Variants in TNRC18 observed in about 807,000 individuals in gnomAD.
TNRC18 encodes the protein trinucleotide repeat containing 18.
Under a neutral mutation model 226.7 loss-of-function variants are expected in TNRC18, and 69 were observed. The ratio of observed to expected loss-of-function variants is 0.30; its 90% CI spans 0.25 to 0.37. The LOEUF (loss-of-function observed/expected upper bound fraction) is 0.37, where lower values mean the gene tolerates loss of function less well. Ranked by LOEUF, TNRC18 falls within the 10% of genes least tolerant of loss-of-function variation. The pLI is 1.00. For missense variants in TNRC18, 4,754 were observed against 4,256.6 expected, an observed-to-expected ratio of 1.12 and a Z score of -3.25; for synonymous variants, 2,449 against 1,927.6, an observed-to-expected ratio of 1.27 and a Z score of -7.09.
Position 5,324,485 on chromosome 7 carries a change from T to C in TNRC18, c.6301-130A>G. ...GAATCTGTCATGTGCATGGCAGGGA[T>C]CCCAGTTAGGGGCACCCCAGAGGCC... On this transcript the variant is annotated intron_variant, in intron 20 of 29. Coordinates refer to ENST00000430969, the MANE Select transcript of TNRC18 (RefSeq NM_001080495.3). The surrounding 1 kb of genome is among the most constrained non-coding windows in gnomAD (Gnocchi z 4.8). 3 of 1,324,496 alleles carry C rather than the reference T, an allele frequency of 2.3e-6. No individual in the cohort carries two copies. In the South Asian group the frequency reaches 4.1e-5, roughly 18 times the overall value. The allele number at this position is 1,324,496 out of a possible 1,614,324, so 82.0% of individuals were successfully genotyped here.
intron 17 of TNRC18, 115 bp from the exon 18 acceptor site, chr7:5,345,925 G>T (rs892183107): frequency 5.0e-6 from 7 of 1,390,500 alleles, no homozygotes; most frequent in Non-Finnish European, 5.7e-6. Flanking sequence ...TCAGTCCTGA[G>T]CAGGGGGCCG....
chr7:5,330,757 T>G (rs1789443028), intron 19 of TNRC18, among the ~76,000 whole-genome samples: 1 of 152,142 alleles, frequency 6.6e-6, no homozygotes, highest in Admixed American at 6.6e-5. Flanking sequence ...CACTGCAACC[T>G]CCGCCTTCCG....
At chr7:5,327,489 G>A (rs558890485) in intron 19 of TNRC18, among the ~76,000 whole-genome samples, 4 of 151,822 alleles carry the variant, frequency 2.6e-5, no homozygotes, top group African/African-American at 7.2e-5. Context: ...CATCTTAGGC[G>A]CTGAAAGAAT....
intron 2 of TNRC18, among the ~76,000 whole-genome samples, chr7:5,406,470 AT>A (rs893535397): frequency 1.2e-4 from 18 of 150,698 alleles, no homozygotes; most frequent in East Asian, 7.8e-4. Flanking sequence ...TCAAAAAAAA[AT>A]TTTTTTTTAA....
rs542776129 is a variant in TNRC18 at position 5,358,721 on chromosome 7, G to A, written c.4833+677C>T. Among the ~76,000 whole-genome samples, 181 of 152,312 alleles carry A rather than the reference G, an allele frequency of 1.2e-3. 3 individuals are homozygous for A. The highest frequency in any genetic ancestry group is 3.4e-3 in the Middle Eastern group (1 of 294). ...CCCAGCTACTTGGGAGGCTGAGGCA[G>A]GAGAATCGCTTGAACCTGGGAGGCG... On this transcript the variant is annotated intron_variant, in intron 15 of 29. Coordinates refer to ENST00000430969, the MANE Select transcript of TNRC18 (RefSeq NM_001080495.3).
chr7:5,334,191 G>A (rs1166095098), intron 18 of TNRC18, among the ~76,000 whole-genome samples: 2 of 152,232 alleles, frequency 1.3e-5, no homozygotes, highest in Non-Finnish European at 2.9e-5. Context: ...GCCGTGAGAG[G>A]CTTGCTCTGC....
chr7:5,315,559 G>A (rs1192332736), intron 25 of TNRC18, among the ~76,000 whole-genome samples: 2 of 152,154 alleles, frequency 1.3e-5, no homozygotes, highest in South Asian at 2.1e-4. Flanking sequence ...GAGCAGCTGG[G>A]ACTACAGGCG....
chr7:5,365,706 A>T (rs6965837), intron 11 of TNRC18, among the ~76,000 whole-genome samples: 1 of 151,688 alleles, frequency 6.6e-6, no homozygotes, highest in African/African-American at 2.4e-5. Context: ...CTTCTGCCGC[A>T]GCCTCCCAAA....
At chr7:5,327,992 C>G (rs1743051675) in intron 19 of TNRC18, among the ~76,000 whole-genome samples, 1 of 152,128 alleles carries the variant, frequency 6.6e-6, no homozygotes, top group African/African-American at 2.4e-5. Flanking sequence ...GAAGCCAAGG[C>G]AGGCGGATCA....
In TNRC18 at chr7:5,326,251, TA is replaced by T. The variant is rs796175415; in HGVS notation, c.6148-1004del. Among the ~76,000 whole-genome samples, 1,289 of 145,500 alleles carry T rather than the reference TA, an allele frequency of 8.9e-3. 10 individuals are homozygous for T. The highest frequency in any genetic ancestry group is 8.3e-3 in the Non-Finnish European group (548 of 65,816). ...ACACAACCATGCACACACAGTATTTTAAAAAAAAAAAAGTGGGAATTTACCA... is the reference window on the plus strand; with the variant it reads ...ACACAACCATGCACACACAGTATTTTAAAAAAAAAAAGTGGGAATTTACCA... On this transcript the variant is annotated intron_variant, in intron 19 of 29. Coordinates refer to ENST00000430969, the MANE Select transcript of TNRC18 (RefSeq NM_001080495.3).
chr7:5,411,215 C>CAAAAAAAAAAAAA (rs35392221), intron 2 of TNRC18, among the ~76,000 whole-genome samples: 4 of 75,992 alleles, frequency 5.3e-5, no homozygotes, highest in Non-Finnish European at 1.0e-4. Flanking sequence ...GACTCCATCT[C>CAAAAAAAAAAAAA]AAAAAAAAAA....
intron 17 of TNRC18, among the ~76,000 whole-genome samples, chr7:5,346,741 A>G (rs1483233376): frequency 1.3e-5 from 2 of 152,146 alleles, no homozygotes; most frequent in Non-Finnish European, 2.9e-5. Context: ...CTGAGCCTCT[A>G]TTTTCTCACC....
At position 5,389,259 on chromosome 7, in the gene TNRC18, C is replaced by A. The variant is rs1375785277; in HGVS notation, c.565G>T (p.Gly189Cys). ...TTGGCCGGGGCGCCCGAGGAGTGGCCGCCGCCAGGGGTCCGGGCCGAGGGC... is the reference window on the plus strand; with the variant it reads ...TTGGCCGGGGCGCCCGAGGAGTGGCAGCCGCCAGGGGTCCGGGCCGAGGGC... Reference protein sequence around the residue: ...HAPSARTPGGGHSSGAPAKGS... With the variant: ...HAPSARTPGGCHSSGAPAKGS... The change falls in exon 5 of 30, where the codon GGC becomes TGC. Residue 189 changes from glycine to cysteine, a missense_variant. Gly to Cys is a radical substitution (Grantham distance 159). Transcript: ENST00000430969. The A allele has an allele frequency of 6.8e-6, 9 of 1,314,604 alleles. 1 individual carries two copies. The South Asian group carries it at 1.7e-4, about 25-fold the overall frequency. The allele number at this position is 1,314,604 out of a possible 1,614,324, so 81.4% of individuals were successfully genotyped here.
chr7:5,307,958 G>C lies in TNRC18; in HGVS notation c.*148C>G, dbSNP rs970126492. 14 of 691,172 alleles carry C rather than the reference G, an allele frequency of 2.0e-5. No individual in the cohort carries two copies. The highest frequency in any genetic ancestry group is 3.6e-5 in the African/African-American group (2 of 55,818). The allele number at this position is 691,172 out of a possible 1,614,324, so 42.8% of individuals were successfully genotyped here. A position where few individuals can be genotyped will look rare whatever the true frequency, so the allele number is the denominator to read the frequency against. Reference sequence around the variant, plus strand: ...CACGTGCATGCACACACACTCACCCGGGCATCCACGTGCACACCTGGCCCC... The same window carrying C: ...CACGTGCATGCACACACACTCACCCCGGCATCCACGTGCACACCTGGCCCC... On this transcript the variant is annotated 3_prime_UTR_variant, in exon 30 of 30. Transcript: ENST00000430969.
intron 2 of TNRC18, among the ~76,000 whole-genome samples, chr7:5,400,204 A>G (rs1469023730): frequency 1.3e-5 from 2 of 152,010 alleles, no homozygotes; most frequent in East Asian, 3.9e-4. Flanking sequence ...GTCTATGATT[A>G]TTGTTATTAT....
chr7:5,420,922 G>A (rs1782537805), intron 2 of TNRC18, 138 bp downstream of exon 2: 1 of 1,078,622 alleles, frequency 9.3e-7, no homozygotes, highest in Non-Finnish European at 1.4e-6. Context: ...TCCCAGCCCT[G>A]GGAGCCGAGT....
Position 5,316,274 on chromosome 7 carries a change from CTT to C in TNRC18, c.6746-204_6746-203del, listed in dbSNP as rs1278896095. 9.0e-3 allele frequency among the ~76,000 whole-genome samples: 782 copies of C among 86,498 alleles called. 3 individuals are homozygous for C. The highest frequency in any genetic ancestry group is 0.012 in the Non-Finnish European group (603 of 48,316). The allele number at this position is 86,498 out of a possible 152,430, so 56.7% of individuals were successfully genotyped here. On this transcript the variant is annotated intron_variant, in intron 24 of 29. Transcript: ENST00000430969. ...CCCGGGCAGGGCAGGAGAAATGGGT[CTT>C]TTTTTTTTTTTTTTTTTTTTGAGAC...
At position 5,307,411 on chromosome 7, in the gene TNRC18, G is replaced by C. The variant is rs1422335709; in HGVS notation, c.*695C>G. ...CCTCCTGGGTGGGGAGGGGCCAGGCGTGGCCGGGCGACAGTTTCAGCACCA... is the reference window on the plus strand; with the variant it reads ...CCTCCTGGGTGGGGAGGGGCCAGGCCTGGCCGGGCGACAGTTTCAGCACCA... On this transcript the variant is annotated 3_prime_UTR_variant, in exon 30 of 30. Coordinates refer to ENST00000430969, the MANE Select transcript of TNRC18 (RefSeq NM_001080495.3). The C allele has an allele frequency of 6.2e-6, 2 of 321,658 alleles. No homozygotes were observed. Among genetic ancestry groups the C allele is most frequent in the Non-Finnish European group, 1.3e-5 (2 of 156,128 alleles). 19.9% of individuals were successfully genotyped at this position (321,658 alleles called of 1,614,324 possible). A position where few individuals can be genotyped will look rare whatever the true frequency, so the allele number is the denominator to read the frequency against.
chr7:5,419,330 GCC>G (rs982475648), intron 2 of TNRC18, among the ~76,000 whole-genome samples: 14 of 152,198 alleles, frequency 9.2e-5, no homozygotes, highest in African/African-American at 3.4e-4. Flanking sequence ...AGTGCGCGAC[GCC>G]CCTTCCCAGC....
Sources: gnomAD v4.1 joint callset for allele counts (sites outside exome capture counted in the v4.1 genomes callset) on GRCh38, gnomAD v4.1.1 for gene constraint, Gnocchi (gnomAD v3.1) non-coding constraint, MANE v1.5 for transcripts, NCBI Gene and HGNC (gene_info 2026-07-23, HGNC 2026-07-21) for gene names.